COL5A2: variants seen among roughly 807,000 people sequenced by gnomAD.
COL5A2 encodes the protein collagen alpha-2(V) chain.
In COL5A2, 23 loss-of-function variants were observed where a neutral mutation model predicts 208.2. The observed-to-expected ratio is 0.11, with a 90% confidence interval of 0.08 to 0.16. The LOEUF (loss-of-function observed/expected upper bound fraction) is 0.16, where lower values mean the gene tolerates loss of function less well. Ranked by LOEUF, COL5A2 falls within the 10% of genes least tolerant of loss-of-function variation. COL5A2 has a pLI of 1.00. For synonymous variants in COL5A2, 625 were observed against 628.5 expected, an observed-to-expected ratio of 0.99 and a Z score of 0.08; for missense variants, 1,590 against 1,956.4, an observed-to-expected ratio of 0.81 and a Z score of 3.53.
At chr2:189,109,409 T>G (rs577423839) in intron 2 of COL5A2, among the ~76,000 whole-genome samples, 3 of 152,266 alleles carry the variant, frequency 2.0e-5, no homozygotes, top group African/African-American at 7.2e-5. Flanking sequence ...TATTTCCATA[T>G]ACATACTGTT....
At chr2:189,301,510 G>A in the COL5A2 span, among the ~76,000 whole-genome samples, 1 of 152,060 alleles carries the variant, frequency 6.6e-6, no homozygotes, top group Non-Finnish European at 1.5e-5. Flanking sequence ...TTTCCTCACA[G>A]TGCAGTGAAT....
chr2:189,061,371 T>C (rs1166757894), intron 30 of COL5A2, among the ~76,000 whole-genome samples, 191 bp downstream of exon 30: 1 of 152,200 alleles, frequency 6.6e-6, no homozygotes, highest in Non-Finnish European at 1.5e-5. Flanking sequence ...TGATCAGTTT[T>C]TTTAGAAGCC....
At chr2:189,038,321 G>C (rs1685483485) in intron 51 of COL5A2, among the ~76,000 whole-genome samples, 1 of 152,148 alleles carries the variant, frequency 6.6e-6, no homozygotes, top group South Asian at 2.1e-4. Flanking sequence ...TTAGGATTAT[G>C]GTTTCCCGCT....
At chr2:189,099,335 T>C (rs914484642) in intron 4 of COL5A2, among the ~76,000 whole-genome samples, 2 of 152,202 alleles carry the variant, frequency 1.3e-5, no homozygotes. Flanking sequence ...ACATGCATAT[T>C]CTTTTTGTCT....
chr2:189,402,659 C>T, the COL5A2 span, among the ~76,000 whole-genome samples: 3 of 152,132 alleles, frequency 2.0e-5, no homozygotes, highest in Non-Finnish European at 4.4e-5. Flanking sequence ...GGAATCTTTC[C>T]CCATTGTTGC....
chr2:189,351,304 G>A, the COL5A2 span, among the ~76,000 whole-genome samples: 2 of 152,072 alleles, frequency 1.3e-5, no homozygotes, highest in Admixed American at 6.6e-5. Flanking sequence ...GATTGTACAC[G>A]TATTCACAAT....
the COL5A2 span, among the ~76,000 whole-genome samples, chr2:189,336,970 A>G: frequency 6.6e-6 from 1 of 152,182 alleles, no homozygotes; most frequent in Non-Finnish European, 1.5e-5. Context: ...GTTTATGGCC[A>G]AAGTCTTAGG....
the COL5A2 span, among the ~76,000 whole-genome samples, chr2:189,316,235 T>TA: frequency 2.2e-4 from 34 of 151,900 alleles, no homozygotes; most frequent in Non-Finnish European, 5.9e-5. Context: ...ATAGACTGGA[T>TA]AAAAAAATGT....
At chr2:189,354,826 T>C in the COL5A2 span, among the ~76,000 whole-genome samples, 1 of 152,220 alleles carries the variant, frequency 6.6e-6, no homozygotes. Flanking sequence ...TGCTAGCTTT[T>C]GAATTTGTTT....
intron 25 of COL5A2, 89 bp downstream of exon 25, chr2:189,064,468 C>A: frequency 2.2e-6 from 2 of 919,950 alleles, no homozygotes; most frequent in Non-Finnish European, 3.5e-6. Flanking sequence ...TAAAAACAAA[C>A]TAAATTTAAA....
At position 189,092,571 on chromosome 2, in the gene COL5A2, T is replaced by A. The variant is rs2105668838; in HGVS notation, c.457-151A>T. 4.4e-6 allele frequency: 3 copies of A among 687,298 alleles called. No homozygotes were observed. The East Asian group carries it at 8.1e-5, about 19-fold the overall frequency. The allele number at this position is 687,298 out of a possible 1,614,324, so 42.6% of individuals were successfully genotyped here. A position where few individuals can be genotyped will look rare whatever the true frequency, so the allele number is the denominator to read the frequency against. On this transcript the variant is annotated intron_variant, in intron 6 of 53. Transcript: ENST00000374866. ...ACTTAGAGTAATTTCATCAGCCATG[T>A]CACTACTGATTTCAGCATAGGTCTG...
chr2:189,192,876 G>T (rs569295130), intron 1 of COL5A2, among the ~76,000 whole-genome samples: 1 of 152,132 alleles, frequency 6.6e-6, no homozygotes. Context: ...CTCAAGCATG[G>T]GTTCCTATCA....
At chr2:189,085,494 TTAAATTTAAATTTAAATAAA>T (rs1686636589) in intron 10 of COL5A2, among the ~76,000 whole-genome samples, 1 of 152,186 alleles carries the variant, frequency 6.6e-6, no homozygotes, top group Non-Finnish European at 1.5e-5. Flanking sequence ...CTTTGAATTT[TTAAATTTAAATTTAAATAAA>T]TAAATTTAAA....
the COL5A2 span, among the ~76,000 whole-genome samples, chr2:189,399,749 G>GAGTGC: frequency 7.2e-5 from 11 of 152,068 alleles, no homozygotes; most frequent in Non-Finnish European, 8.8e-5. Flanking sequence ...GCCCAGGCTG[G>GAGTGC]AGTGCAGCAG....
chr2:189,221,674 C>A (rs1205740529), intron 1 of COL5A2, among the ~76,000 whole-genome samples: 1 of 152,000 alleles, frequency 6.6e-6, no homozygotes, highest in Non-Finnish European at 1.5e-5. Context: ...TTGAAGAAGG[C>A]ACATGGAACT....
At chr2:189,298,144 G>A in the COL5A2 span, among the ~76,000 whole-genome samples, 1 of 152,112 alleles carries the variant, frequency 6.6e-6, no homozygotes, top group Non-Finnish European at 1.5e-5. Flanking sequence ...TCTCTTCAAA[G>A]CCTAGCTCCT....
intron 17 of COL5A2, among the ~76,000 whole-genome samples, chr2:189,072,414 A>C (rs1686294944): frequency 6.6e-6 from 1 of 152,196 alleles, no homozygotes; most frequent in Non-Finnish European, 1.5e-5. Context: ...CAAATAATAT[A>C]GTTTTTAGAA....
chr2:189,173,319 T>G (rs2105821315), intron 1 of COL5A2, among the ~76,000 whole-genome samples: 1 of 152,302 alleles, frequency 6.6e-6, no homozygotes, highest in South Asian at 2.1e-4. Context: ...ATAATCTTGC[T>G]TTATTGTAAT....
chr2:189,156,532 T>A (rs1367110781), intron 1 of COL5A2, among the ~76,000 whole-genome samples: 3 of 152,176 alleles, frequency 2.0e-5, no homozygotes, highest in Admixed American at 2.0e-4. Context: ...ATGTTGATAG[T>A]CTTGTCCTCA....
Sources: gnomAD v4.1 joint callset for allele counts (sites outside exome capture counted in the v4.1 genomes callset) on GRCh38, gnomAD v4.1.1 for gene constraint, MANE v1.5 for transcripts, NCBI Gene and HGNC (gene_info 2026-07-23, HGNC 2026-07-21) for gene names.